Variants in TANC2 observed in about 807,000 individuals in gnomAD.
The protein encoded by TANC2 is tetratricopeptide repeat, ankyrin repeat and coiled-coil containing 2, also known as protein TANC2.
Under a neutral mutation model 210.5 loss-of-function variants are expected in TANC2, and 26 were observed. The ratio of observed to expected loss-of-function variants is 0.12; its 90% CI spans 0.09 to 0.17. The LOEUF is 0.17. Ranked by LOEUF, TANC2 falls within the 10% of genes least tolerant of loss-of-function variation. TANC2 has a pLI of 1.00. For synonymous variants in TANC2, 931 were observed against 967.1 expected, an observed-to-expected ratio of 0.96 and a Z score of 0.69; for missense variants, 2,129 against 2,608.9, an observed-to-expected ratio of 0.82 and a Z score of 4.01.
intron 9 of TANC2, among the ~76,000 whole-genome samples, chr17:63,271,746 G>A (rs1446072412): frequency 1.3e-5 from 2 of 151,300 alleles, no homozygotes; most frequent in Non-Finnish European, 2.9e-5. Context: ...CATGTCCTTT[G>A]TCCATTTTTT....
intron 3 of TANC2, among the ~76,000 whole-genome samples, chr17:63,075,281 A>C (rs983160530): frequency 1.3e-5 from 2 of 152,176 alleles, no homozygotes; most frequent in Non-Finnish European, 2.9e-5. Flanking sequence ...GTTTGAAATC[A>C]CTTATCTAAT....
intron 8 of TANC2, among the ~76,000 whole-genome samples, chr17:63,255,173 C>T (rs1852853110): frequency 6.6e-6 from 1 of 151,772 alleles, no homozygotes. Context: ...GGCACTATCT[C>T]GGCTCACTGC....
rs138322309 is a variant in TANC2, at chr17:63,111,122, G to A, written c.322+11765G>A. 6.5e-3 allele frequency among the ~76,000 whole-genome samples: 990 copies of A among 152,020 alleles called. 8 individuals carry two copies. Among genetic ancestry groups the A allele is most frequent in the Admixed American group, 8.5e-3 (129 of 15,266 alleles). On this transcript the variant is annotated intron_variant, in intron 4 of 27. Coordinates refer to ENST00000689528, the Ensembl canonical transcript of TANC2. ...AGCTCAGGAGTTTGAGAATAGCCTG[G>A]GCAACATCTCAAAATCCTGTTTCTA...
chr17:63,327,594 AAATTGTT>A (rs2045691117), intron 11 of TANC2, among the ~76,000 whole-genome samples: 1 of 152,212 alleles, frequency 6.6e-6, no homozygotes, highest in Non-Finnish European at 1.5e-5. Context: ...AAAGAAATAT[AAATTGTT>A]CTATATATAA....
intron 2 of TANC2, among the ~76,000 whole-genome samples, chr17:63,050,790 T>C (rs987915666): frequency 2.6e-5 from 4 of 152,348 alleles, no homozygotes; most frequent in African/African-American, 9.6e-5. Flanking sequence ...AATTGTGGAT[T>C]ATCTGGAATG....
intron 2 of TANC2, among the ~76,000 whole-genome samples, chr17:63,032,463 G>C (rs993804306): frequency 2.0e-5 from 3 of 152,064 alleles, no homozygotes; most frequent in Non-Finnish European, 4.4e-5. Context: ...ATGTGACTCT[G>C]AGTAGGCAAA....
chr17:63,025,932 A>T (rs1022148598), intron 2 of TANC2, among the ~76,000 whole-genome samples: 2 of 152,024 alleles, frequency 1.3e-5, no homozygotes, highest in Non-Finnish European at 2.9e-5. Context: ...GTTGCTGGTG[A>T]CCTTTGACTT....
At chr17:63,384,311 G>A (rs953487767) in intron 15 of TANC2, among the ~76,000 whole-genome samples, 12 of 152,020 alleles carry the variant, frequency 7.9e-5, no homozygotes, top group South Asian at 2.1e-4. Flanking sequence ...GTCTCAAGCC[G>A]TCCTCCCTCC....
intron 4 of TANC2, chr17:63,148,530 C>G (rs924774785): frequency 2.0e-5 from 3 of 152,168 alleles, no homozygotes; most frequent in African/African-American, 7.2e-5. Flanking sequence ...ATCTGCTCAA[C>G]CTCTGCCAGA....
chr17:63,212,336 CTTCTTCCTGTG>C (rs2145876827), intron 7 of TANC2, among the ~76,000 whole-genome samples: 1 of 152,232 alleles, frequency 6.6e-6, no homozygotes, highest in South Asian at 2.1e-4. Context: ...TCCTGCTGAG[CTTCTTCCTGTG>C]TTCTTTTGAT....
chr17:63,126,036 T>C (rs1010355334), intron 4 of TANC2, among the ~76,000 whole-genome samples: 1 of 152,226 alleles, frequency 6.6e-6, no homozygotes, highest in Non-Finnish European at 1.5e-5. Flanking sequence ...GTAGTAATAG[T>C]ACCTACTACT....
At chr17:63,373,591 A>G (rs1208857767) in intron 14 of TANC2, among the ~76,000 whole-genome samples, 1 of 152,140 alleles carries the variant, frequency 6.6e-6, no homozygotes, top group Non-Finnish European at 1.5e-5. Context: ...CTGTCCCTCA[A>G]TCTTGCTTAG....
intron 5 of TANC2, among the ~76,000 whole-genome samples, chr17:63,162,764 C>T (rs2040072599): frequency 6.6e-6 from 1 of 151,766 alleles, no homozygotes; most frequent in Admixed American, 6.6e-5. Context: ...ATGTAACCAG[C>T]TGAAAGTGAG....
chr17:63,091,969 T>A (rs890011554), intron 3 of TANC2, among the ~76,000 whole-genome samples: 32 of 152,254 alleles, frequency 2.1e-4, no homozygotes, highest in African/African-American at 6.5e-4. Context: ...ATTCTCTTTG[T>A]AGCAATTGTG....
chr17:62,987,043 A>G (rs1234941949), intron 1 of TANC2, among the ~76,000 whole-genome samples: 6 of 152,152 alleles, frequency 3.9e-5, no homozygotes, highest in African/African-American at 1.4e-4. Context: ...ACATGTAGCT[A>G]TTCTACAACA....
At chr17:63,305,015 A>G (rs1201418685) in intron 9 of TANC2, among the ~76,000 whole-genome samples, 2 of 152,208 alleles carry the variant, frequency 1.3e-5, no homozygotes, top group Admixed American at 6.5e-5. Flanking sequence ...TTAGGCAGCT[A>G]TCAGTCCTAT....
rs149526455 is a variant in TANC2 at position 63,387,648 on chromosome 17, A to G, written c.2692-987A>G. ...TTGTTAATATCTTCCTGCCCTCAGG[A>G]TTTCCTTCTTTAACTGATTTGATCC... On this transcript the variant is annotated intron_variant, in intron 15 of 27. Coordinates refer to ENST00000689528, the Ensembl canonical transcript of TANC2. Among the ~76,000 whole-genome samples the G allele has an allele frequency of 2.9e-3, 436 of 152,356 alleles. 1 individual carries two copies. Among genetic ancestry groups the G allele is most frequent in the Non-Finnish European group, 4.1e-3 (280 of 68,036 alleles).
intron 2 of TANC2, among the ~76,000 whole-genome samples, chr17:63,070,786 G>T (rs1214301320): frequency 1.3e-5 from 2 of 150,992 alleles, no homozygotes; most frequent in Non-Finnish European, 3.0e-5. Context: ...TGTTCATCCA[G>T]TATCGAAAAC....
At chr17:63,183,903 G>A (rs1214818501) in intron 5 of TANC2, among the ~76,000 whole-genome samples, 2 of 152,044 alleles carry the variant, frequency 1.3e-5, no homozygotes, top group African/African-American at 4.8e-5. Flanking sequence ...TGTAGTCCCA[G>A]CTACTCAAAA....
Sources: gnomAD v4.1 joint callset for allele counts (sites outside exome capture counted in the v4.1 genomes callset) on GRCh38, gnomAD v4.1.1 for gene constraint, MANE v1.5 for transcripts, NCBI Gene and HGNC (gene_info 2026-07-23, HGNC 2026-07-21) for gene names.